ADAM23: variants seen among roughly 807,000 people sequenced by gnomAD.
ADAM23 encodes ADAM metallopeptidase domain 23, also known as disintegrin and metalloproteinase domain-containing protein 23.
A neutral mutation model predicts 120.1 loss-of-function variants in ADAM23; 33 were observed. The observed-to-expected ratio is 0.27, with a 90% CI of 0.21 to 0.37. ADAM23 has a LOEUF of 0.37. ADAM23 is among the 10% of genes least tolerant of loss of function. The pLI, the probability that ADAM23 is intolerant of heterozygous loss-of-function variation, is 1.00. For synonymous variants in ADAM23, 367 were observed against 375.2 expected (o/e 0.98, Z 0.25); for missense variants, 862 against 1,058.2 (o/e 0.81, Z 2.57).
At chr2:206,592,376 G>T (rs768446033) in intron 21 of ADAM23, among the ~76,000 whole-genome samples, 1 of 152,148 alleles carries the variant, frequency 6.6e-6, no homozygotes, top group Non-Finnish European at 1.5e-5. Flanking sequence ...ACCAAGAATA[G>T]ATGAGACAGC....
intron 2 of ADAM23, among the ~76,000 whole-genome samples, chr2:206,476,795 A>G (rs1405706801): frequency 6.6e-6 from 1 of 152,154 alleles, no homozygotes; most frequent in Non-Finnish European, 1.5e-5. Flanking sequence ...ACTAAATTTT[A>G]CAATTTAGTA....
intron 2 of ADAM23, among the ~76,000 whole-genome samples, chr2:206,449,079 A>G (rs1695139566): frequency 6.6e-6 from 1 of 152,154 alleles, no homozygotes; most frequent in Non-Finnish European, 1.5e-5. Context: ...GAGTGTCAGA[A>G]TTGAATTGGA....
intron 4 of ADAM23, among the ~76,000 whole-genome samples, chr2:206,532,943 A>G (rs1181320724): frequency 6.6e-6 from 1 of 151,922 alleles, no homozygotes; most frequent in African/African-American, 2.4e-5. Flanking sequence ...AGTTGGTACA[A>G]TTTTTTAACA....
chr2:206,587,287 G>T, intron 18 of ADAM23, 38 bp from the exon 19 acceptor site: 8 of 1,500,458 alleles, frequency 5.3e-6, no homozygotes, highest in Non-Finnish European at 7.4e-6. Flanking sequence ...AAGGTACCTA[G>T]CATGCTGAAT....
intron 25 of ADAM23, among the ~76,000 whole-genome samples, chr2:206,614,814 G>A (rs966888211): frequency 2.0e-5 from 3 of 152,114 alleles, no homozygotes; most frequent in African/African-American, 4.8e-5. Flanking sequence ...GTCTTTCCAC[G>A]AGGAGGATAA....
chr2:206,590,767 G>T (rs1239478346), intron 21 of ADAM23, among the ~76,000 whole-genome samples: 4 of 152,172 alleles, frequency 2.6e-5, no homozygotes, highest in Admixed American at 2.6e-4. Context: ...CCAAGGTGTT[G>T]ATCCTCAGTC....
chr2:206,605,280 A>G (rs1038734244), intron 24 of ADAM23, among the ~76,000 whole-genome samples: 2 of 152,232 alleles, frequency 1.3e-5, no homozygotes, highest in Admixed American at 1.3e-4. Context: ...ACGCTTTTCA[A>G]TAACTTCCCA....
Position 206,548,386 on chromosome 2 carries a change from A to G in ADAM23, c.867+32A>G, listed in dbSNP as rs374243174. The stretch of plus-strand genomic sequence containing the variant: ...GTGGCATTGAGCCTTGGGTGGGCCT[A>G]TTTTACTCAATGAAGTCATGTGCCT... On this transcript the variant is annotated intron_variant, in intron 8 of 25. Coordinates refer to ENST00000264377, the MANE Select transcript of ADAM23 (RefSeq NM_003812.4). 802 of 1,590,246 alleles carry G rather than the reference A, an allele frequency of 5.0e-4. 2 individuals are homozygous for G. Among genetic ancestry groups the G allele is most frequent in the Non-Finnish European group, 5.1e-4 (598 of 1,168,954 alleles).
At chr2:206,491,160 C>G (rs929506363) in intron 3 of ADAM23, among the ~76,000 whole-genome samples, 13 of 152,010 alleles carry the variant, frequency 8.6e-5, no homozygotes, top group African/African-American at 3.1e-4. Flanking sequence ...CTGCCTGCCC[C>G]TACCCCTGCT....
intron 21 of ADAM23, 95 bp from the exon 22 acceptor site, chr2:206,592,522 T>G: frequency 7.0e-7 from 1 of 1,427,682 alleles, no homozygotes; most frequent in Non-Finnish European, 9.6e-7. Context: ...AAAGATAATA[T>G]TTTAAAAATT....
At position 206,568,563 on chromosome 2, in the gene ADAM23, C is replaced by G. The variant is rs987539688; in HGVS notation, c.1494+1241C>G. Among the ~76,000 whole-genome samples, 6 of 152,200 alleles carry G rather than the reference C, an allele frequency of 3.9e-5. No individual in the cohort carries two copies. The South Asian group carries it at 6.2e-4, about 16-fold the overall frequency. ...TCTAAACTTCAGCAAAGCTGGAAGTCTCAAACTCACCAGCTTCAAAGCTTT... is the reference window on the plus strand; with the variant it reads ...TCTAAACTTCAGCAAAGCTGGAAGTGTCAAACTCACCAGCTTCAAAGCTTT... On this transcript the variant is annotated intron_variant, in intron 15 of 25. Transcript: ENST00000264377.
intron 24 of ADAM23, 62 bp downstream of exon 24, chr2:206,596,224 C>T: frequency 8.1e-7 from 1 of 1,238,284 alleles, no homozygotes. Flanking sequence ...TTCCAATGCA[C>T]CAGTATAACA....
chr2:206,589,810 A>G (rs530663376), intron 21 of ADAM23, among the ~76,000 whole-genome samples: 5 of 152,280 alleles, frequency 3.3e-5, no homozygotes, highest in African/African-American at 1.2e-4. Flanking sequence ...ACAAATTAAT[A>G]CTAGCTTTTA....
chr2:206,592,790 C>G lies in ADAM23; in HGVS notation c.2078+54C>G. Reference sequence around the variant, plus strand: ...TAAGCCATGAGAATTACAAATTTCACAAAATGAAATTTCAAAAAAATCAGA... The same window carrying G: ...TAAGCCATGAGAATTACAAATTTCAGAAAATGAAATTTCAAAAAAATCAGA... On this transcript the variant is annotated intron_variant, in intron 22 of 25. Transcript: ENST00000264377. 3.9e-6 allele frequency: 6 copies of G among 1,533,840 alleles called. No individual in the cohort carries two copies. In the South Asian group the frequency reaches 7.5e-5, roughly 19 times the overall value.
chr2:206,618,960 T>C lies in ADAM23; in HGVS notation c.*1333T>C, dbSNP rs921926258. 3 of 152,160 alleles carry C rather than the reference T, an allele frequency of 2.0e-5. No individual in the cohort carries two copies. The highest frequency in any genetic ancestry group is 7.2e-5 in the African/African-American group (3 of 41,430). The allele number at this position is 152,160 out of a possible 1,614,324, so 9.4% of individuals were successfully genotyped here. A position where few individuals can be genotyped will look rare whatever the true frequency, so the allele number is the denominator to read the frequency against. On this transcript the variant is annotated 3_prime_UTR_variant, in exon 26 of 26. Coordinates refer to ENST00000264377, the MANE Select transcript of ADAM23 (RefSeq NM_003812.4). ...AACTTAAAGCCTTAAATAAAAAAAT[T>C]TTTTTAAATGTTAAAAGCTTGGAAA...
intron 21 of ADAM23, among the ~76,000 whole-genome samples, chr2:206,592,322 G>A (rs553827096): frequency 1.3e-5 from 2 of 152,242 alleles, no homozygotes; most frequent in East Asian, 1.9e-4. Context: ...CTAGGAAGAC[G>A]AGAAGGGGGA....
At chr2:206,471,025 A>G (rs761626909) in intron 2 of ADAM23, among the ~76,000 whole-genome samples, 22 of 152,340 alleles carry the variant, frequency 1.4e-4, no homozygotes, top group Admixed American at 1.0e-3. Flanking sequence ...CAGCTCTGGT[A>G]TAGAGATCCC....
chr2:206,462,734 T>C (rs1695451751), intron 2 of ADAM23, among the ~76,000 whole-genome samples: 1 of 152,066 alleles, frequency 6.6e-6, no homozygotes, highest in Non-Finnish European at 1.5e-5. Flanking sequence ...TGGTGAGGGA[T>C]GGAGAGACAT....
intron 3 of ADAM23, among the ~76,000 whole-genome samples, chr2:206,529,805 G>C (rs1697013490): frequency 6.7e-6 from 1 of 149,374 alleles, no homozygotes; most frequent in Non-Finnish European, 1.5e-5. Context: ...ATGTGTGTGT[G>C]TGTGTATATA....
Sources: gnomAD v4.1 joint callset for allele counts (sites outside exome capture counted in the v4.1 genomes callset) on GRCh38, gnomAD v4.1.1 for gene constraint, MANE v1.5 for transcripts, NCBI Gene and HGNC (gene_info 2026-07-23, HGNC 2026-07-21) for gene names.